CAMK1D: variants seen among roughly 807,000 people sequenced by gnomAD.
The protein encoded by CAMK1D is calcium/calmodulin dependent protein kinase ID.
CAMK1D carries 9 observed loss-of-function variants against 47.7 expected under a neutral mutation model. The observed-to-expected ratio is 0.19, with a 90% CI of 0.11 to 0.33. CAMK1D has a LOEUF of 0.33. Ranked by LOEUF, CAMK1D falls within the 10% of genes least tolerant of loss-of-function variation. CAMK1D has a pLI of 1.00. For synonymous variants in CAMK1D, 184 were observed against 184.9 expected (o/e 0.99, Z 0.04); for missense variants, 291 against 488.7 (o/e 0.60, Z 3.81).
chr10:12,612,188 G>A (rs1279501034), intron 2 of CAMK1D, among the ~76,000 whole-genome samples: 2 of 152,124 alleles, frequency 1.3e-5, no homozygotes, highest in African/African-American at 4.8e-5. Context: ...CAAAACTCCA[G>A]CCTGGAACAA....
At chr10:12,777,172 G>T (rs1837285937) in intron 5 of CAMK1D, among the ~76,000 whole-genome samples, 1 of 152,134 alleles carries the variant, frequency 6.6e-6, no homozygotes, top group Non-Finnish European at 1.5e-5. Context: ...GGACATCAGG[G>T]TGGAGAGGTC....
chr10:12,615,956 A>G (rs1236262105), intron 2 of CAMK1D, among the ~76,000 whole-genome samples: 5 of 148,904 alleles, frequency 3.4e-5, no homozygotes, highest in South Asian at 2.2e-4. Flanking sequence ...TGGTGTGCGC[A>G]TAGGTGTGTA....
intron 1 of CAMK1D, among the ~76,000 whole-genome samples, chr10:12,403,861 T>C (rs1839317966): frequency 6.6e-6 from 1 of 152,046 alleles, no homozygotes; most frequent in African/African-American, 2.4e-5. Context: ...TTGGCCCTGA[T>C]GTTACCATTG....
chr10:12,532,768 G>T (rs1001844253), intron 1 of CAMK1D, among the ~76,000 whole-genome samples: 1 of 152,122 alleles, frequency 6.6e-6, no homozygotes, highest in African/African-American at 2.4e-5. Context: ...GCCATAAAAA[G>T]AATACGATCC....
chr10:12,756,856 G>A (rs1036639054), intron 3 of CAMK1D, among the ~76,000 whole-genome samples: 2 of 152,220 alleles, frequency 1.3e-5, no homozygotes, highest in African/African-American at 4.8e-5. Flanking sequence ...TGAACCCAGG[G>A]AGCTTGCAGT....
rs561275502 is a variant in CAMK1D, at chr10:12,811,973, A to C, written c.642-2222A>C. 2.0e-5 allele frequency among the ~76,000 whole-genome samples: 3 copies of C among 152,352 alleles called. No individual in the cohort carries two copies. In the South Asian group the frequency reaches 6.2e-4, roughly 32 times the overall value. On this transcript the variant is annotated intron_variant, in intron 6 of 10. Transcript: ENST00000619168. ...TAAAAGCAGCACATCTTTAAAAATGAAATTTTCCAGGCTCTTAGTCCCTAA... is the reference window on the plus strand; with the variant it reads ...TAAAAGCAGCACATCTTTAAAAATGCAATTTTCCAGGCTCTTAGTCCCTAA...
intron 1 of CAMK1D, among the ~76,000 whole-genome samples, chr10:12,368,162 G>A (rs927648862): frequency 2.7e-5 from 4 of 149,186 alleles, no homozygotes; most frequent in African/African-American, 9.9e-5. Flanking sequence ...ACTGCAGTCC[G>A]CAGTCCGGCC....
intron 1 of CAMK1D, among the ~76,000 whole-genome samples, chr10:12,523,290 T>A (rs371687611): frequency 0.21 from 31,296 of 147,230 alleles, 3,534 homozygotes; most frequent in South Asian, 0.26. Flanking sequence ...GGCTCCTCAC[T>A]TCTCAGACGA....
chr10:12,704,524 T>A (rs929132918), intron 3 of CAMK1D, among the ~76,000 whole-genome samples: 70 of 152,024 alleles, frequency 4.6e-4, no homozygotes, highest in African/African-American at 1.6e-3. Context: ...AAAGAAGAGG[T>A]TGTTTGATGT....
At chr10:12,368,060 C>T (rs957825498) in intron 1 of CAMK1D, among the ~76,000 whole-genome samples, 12 of 152,208 alleles carry the variant, frequency 7.9e-5, no homozygotes, top group East Asian at 1.9e-4. Context: ...GGCGCGGTGG[C>T]GGGCGCCTGT....
intron 1 of CAMK1D, among the ~76,000 whole-genome samples, chr10:12,501,605 T>C (rs1328831079): frequency 6.6e-6 from 1 of 152,240 alleles, no homozygotes; most frequent in African/African-American, 2.4e-5. Context: ...ATTCCTGGCT[T>C]ATCTGCGGAG....
At chr10:12,683,802 A>C (rs939608544) in intron 3 of CAMK1D, among the ~76,000 whole-genome samples, 4 of 148,002 alleles carry the variant, frequency 2.7e-5, no homozygotes, top group Non-Finnish European at 5.9e-5. Flanking sequence ...CTAATCTATA[A>C]GTACAATTTT....
At chr10:12,674,396 C>T (rs1207381037) in intron 3 of CAMK1D, among the ~76,000 whole-genome samples, 9 of 152,108 alleles carry the variant, frequency 5.9e-5, no homozygotes, top group Non-Finnish European at 8.8e-5. Context: ...GTTTGTGCCT[C>T]GGAAAGTTTT....
At chr10:12,457,779 C>CAA (rs5783269) in intron 1 of CAMK1D, among the ~76,000 whole-genome samples, 60 of 70,876 alleles carry the variant, frequency 8.5e-4, no homozygotes, top group Middle Eastern at 9.8e-3. Flanking sequence ...GACTCTGTCT[C>CAA]AAAAAAAAAA....
chr10:12,506,775 C>T (rs1029884329), intron 1 of CAMK1D, among the ~76,000 whole-genome samples: 2 of 152,212 alleles, frequency 1.3e-5, no homozygotes, highest in African/African-American at 2.4e-5. Context: ...GCCTCAGCCT[C>T]CCAAAGTGCT....
chr10:12,534,813 A>G (rs1111060), intron 1 of CAMK1D, among the ~76,000 whole-genome samples: 93,337 of 151,926 alleles, frequency 0.61, 28,746 homozygotes, highest in South Asian at 0.74. Flanking sequence ...CCTCCTCCAG[A>G]ACCTTGGAGT....
At chr10:12,779,998 C>A (rs777095545) in intron 5 of CAMK1D, among the ~76,000 whole-genome samples, 1 of 152,202 alleles carries the variant, frequency 6.6e-6, no homozygotes, top group South Asian at 2.1e-4. Flanking sequence ...TGCAAAGCCA[C>A]GATAGATATC....
intron 2 of CAMK1D, among the ~76,000 whole-genome samples, chr10:12,623,063 CCCTTCCTCCCTTCCTTCCTT>C (rs1839051609): frequency 1.1e-5 from 1 of 94,332 alleles, no homozygotes; most frequent in African/African-American, 5.2e-5. Flanking sequence ...CTCCCTCCCT[CCCTTCCTCCCTTCCTTCCTT>C]CCTCCCTCCC....
intron 5 of CAMK1D, among the ~76,000 whole-genome samples, chr10:12,785,691 C>T (rs3802558): frequency 0.68 from 103,359 of 152,034 alleles, 35,377 homozygotes; most frequent in East Asian, 0.81. Flanking sequence ...ACAGCAGAGT[C>T]CTTGCCACGC....
Sources: gnomAD v4.1 joint callset for allele counts (sites outside exome capture counted in the v4.1 genomes callset) on GRCh38, gnomAD v4.1.1 for gene constraint, MANE v1.5 for transcripts, NCBI Gene and HGNC (gene_info 2026-07-23, HGNC 2026-07-21) for gene names.